Variants in IQSEC1 observed in about 807,000 individuals in gnomAD.
IQSEC1 encodes the protein IQ motif and Sec7 domain ArfGEF 1.
A neutral mutation model predicts 91.0 loss-of-function variants in IQSEC1; 31 were observed. That is an observed-to-expected ratio of 0.34 (90% CI 0.26 to 0.46). The LOEUF (loss-of-function observed/expected upper bound fraction) is 0.46. Ranked by LOEUF, IQSEC1 falls within the 20% of genes least tolerant of loss-of-function variation. The pLI is 1.00. For synonymous variants in IQSEC1, 699 were observed against 662.6 expected (o/e 1.05, Z -0.84); for missense variants, 1,388 against 1,575.6 (o/e 0.88, Z 2.02).
At chr3:13,107,414 T>C (rs1706168290) in intron 2 of IQSEC1, among the ~76,000 whole-genome samples, 1 of 152,218 alleles carries the variant, frequency 6.6e-6, no homozygotes, top group African/African-American at 2.4e-5. Context: ...GCACGCAGTG[T>C]TAGATGCTTC....
intron 1 of IQSEC1, chr3:13,053,164 A>G: frequency 1.3e-6 from 1 of 753,114 alleles, no homozygotes; most frequent in South Asian, 1.4e-5. Context: ...TGATGGAGAA[A>G]GGAAGAGAGG....
intron 2 of IQSEC1, among the ~76,000 whole-genome samples, chr3:13,092,839 C>T (rs986494758): frequency 1.3e-5 from 2 of 152,214 alleles, no homozygotes; most frequent in East Asian, 3.8e-4. Context: ...TCCAGGCACG[C>T]TGGCCAACTT....
At chr3:13,043,013 T>C (rs1704342251) in intron 1 of IQSEC1, among the ~76,000 whole-genome samples, 1 of 152,166 alleles carries the variant, frequency 6.6e-6, no homozygotes, top group Non-Finnish European at 1.5e-5. Flanking sequence ...AGCTGGGCTC[T>C]GAAAGGCAGG....
chr3:12,971,079 G>T (rs1251528123), intron 1 of IQSEC1, among the ~76,000 whole-genome samples: 1 of 152,220 alleles, frequency 6.6e-6, no homozygotes, highest in Non-Finnish European at 1.5e-5. Context: ...TCCATGCTAT[G>T]ATGATGAAGT....
intron 1 of IQSEC1, among the ~76,000 whole-genome samples, chr3:13,066,424 C>T (rs544688754): frequency 5.7e-4 from 87 of 152,306 alleles, no homozygotes; most frequent in African/African-American, 1.9e-3. Context: ...ACTCGCCACG[C>T]GCCATGCGGG....
intron 1 of IQSEC1, among the ~76,000 whole-genome samples, chr3:13,185,932 T>G (rs1035449482): frequency 6.6e-6 from 1 of 152,224 alleles, no homozygotes; most frequent in Non-Finnish European, 1.5e-5. Flanking sequence ...CTGCCCAAGG[T>G]GGGCGGGTCC....
chr3:13,082,000 G>A (rs936877375), intron 2 of IQSEC1, among the ~76,000 whole-genome samples: 4 of 152,202 alleles, frequency 2.6e-5, no homozygotes, highest in Non-Finnish European at 5.9e-5. Context: ...AGGGCCACCG[G>A]GCAGCACGAG....
chr3:13,086,518 C>G (rs1705738130), intron 2 of IQSEC1, among the ~76,000 whole-genome samples: 1 of 152,190 alleles, frequency 6.6e-6, no homozygotes, highest in Admixed American at 6.5e-5. Context: ...CTGGTTGGAG[C>G]CACTGCCTAT....
At chr3:13,096,474 C>A (rs1371645841) in intron 2 of IQSEC1, among the ~76,000 whole-genome samples, 2 of 152,224 alleles carry the variant, frequency 1.3e-5, no homozygotes, top group Non-Finnish European at 2.9e-5. Flanking sequence ...CGCAGTCTAG[C>A]AAGAATCAAG....
At chr3:13,202,381 A>G (rs546996540) in intron 1 of IQSEC1, among the ~76,000 whole-genome samples, 1 of 152,370 alleles carries the variant, frequency 6.6e-6, no homozygotes, top group African/African-American at 2.4e-5. Context: ...TACTCAAAAC[A>G]GCTACAGTGT....
intron 1 of IQSEC1, among the ~76,000 whole-genome samples, chr3:12,959,254 C>T (rs777281824): frequency 5.5e-4 from 84 of 152,152 alleles, no homozygotes; most frequent in Non-Finnish European, 1.0e-3. Context: ...GGCTGACAGG[C>T]CTGGGAGGGT....
rs1351142008 is a variant in IQSEC1, at chr3:13,154,448, T to TACACACATAC, written c.302+9655_302+9656insGTATGTGTGT. ...GCTGGAACTTACATGCATATATATA[T>TACACACATAC]ATATATATATATATATATATATATA... On this transcript the variant is annotated intron_variant, in intron 2 of 15. Coordinates refer to the IQSEC1 transcript ENST00000648114. Among the ~76,000 whole-genome samples, 3 of 92,114 alleles carry TACACACATAC rather than the reference T, an allele frequency of 3.3e-5. 1 individual carries two copies. The highest frequency in any genetic ancestry group is 7.8e-4 in the South Asian group (2 of 2,578). The allele number at this position is 92,114 out of a possible 152,430, so 60.4% of individuals were successfully genotyped here.
rs988051983 is a variant in IQSEC1, at chr3:12,983,201, C to T, written c.24-41336G>A. ...AGATCTGAACTGGGTGCTCCAGCTC[C>T]AGCACCTAAGCCCCATCCTCTGCAA... On this transcript the variant is annotated intron_variant, in intron 1 of 13. Coordinates refer to ENST00000613206, the MANE Select transcript of IQSEC1 (RefSeq NM_001134382.3). This position sits in a 1 kb window ranked among gnomAD's most constrained non-coding sequence, Gnocchi z 4.3. Among the ~76,000 whole-genome samples the T allele has an allele frequency of 2.6e-5, 4 of 152,240 alleles. No homozygotes were observed. Among genetic ancestry groups the T allele is most frequent in the Non-Finnish European group, 4.4e-5 (3 of 68,042 alleles).
Position 12,936,055 on chromosome 3 carries a change from G to A in IQSEC1, c.961C>T (p.Arg321Trp), listed in dbSNP as rs747195858. 38 of 1,605,676 alleles carry A rather than the reference G, an allele frequency of 2.4e-5. No homozygotes were observed. The highest frequency in any genetic ancestry group is 9.9e-5 in the South Asian group (9 of 91,070). Residue 321 changes from arginine (R) to tryptophan (W), a missense_variant, in exon 3 of 14, where the codon CGG becomes TGG. Arg to Trp is a moderately radical substitution (Grantham distance 101). This residue lies in a region of IQSEC1 where 1,059 missense variants were observed against 1,317.8 expected (regional missense o/e 0.80). Coordinates refer to ENST00000613206, the MANE Select transcript of IQSEC1 (RefSeq NM_001134382.3). Reference sequence around the variant, plus strand: ...TAGTCTGGGGCTGCGCCCCCAGCCCGTAGCCGCAGGTCCGACTCGGTGCTG... The same window carrying A: ...TAGTCTGGGGCTGCGCCCCCAGCCCATAGCCGCAGGTCCGACTCGGTGCTG... ...PSSTESDLRLRAGGAAPDYWA... is the reference protein window; with the variant it reads ...PSSTESDLRLWAGGAAPDYWA...
In IQSEC1 at chr3:12,915,703, T is replaced by G. The variant is rs1198932533; in HGVS notation, c.2051A>C (p.Glu684Ala). 1 of 1,613,988 alleles carries G rather than the reference T, an allele frequency of 6.2e-7. No homozygotes were observed. The highest frequency in any genetic ancestry group is 1.3e-5 in the African/African-American group (1 of 74,918). ...GVDDGEDIPR[E>A]MLMGIYERIR... is the part of the protein sequence containing the mutation. ...CCGTTCATAGATCCCCATCAGCATCTCACGGGGAATGTCCTCACCATCGTC... is the reference window on the plus strand; with the variant it reads ...CCGTTCATAGATCCCCATCAGCATCGCACGGGGAATGTCCTCACCATCGTC... Residue 684 changes from glutamate (E) to alanine (A), a missense_variant, in exon 7 of 14, where the codon GAG (glutamate) becomes GCG (alanine). This residue lies in a region of IQSEC1 where 1,059 missense variants were observed against 1,317.8 expected (regional missense o/e 0.80). Transcript: ENST00000613206.
In IQSEC1 at chr3:12,967,047, A is replaced by C. The variant is rs1191107804; in HGVS notation, c.24-25182T>G. On this transcript the variant is annotated intron_variant, in intron 1 of 13. Transcript: ENST00000613206. This position sits in a 1 kb window ranked among gnomAD's most constrained non-coding sequence, Gnocchi z 5.9. Reference sequence around the variant, plus strand: ...ACCGAGTCCCACTGTTTCCCTCTCAAGCCCCCAAACTCAAACTCACCCCCA... The same window carrying C: ...ACCGAGTCCCACTGTTTCCCTCTCACGCCCCCAAACTCAAACTCACCCCCA... Among the ~76,000 whole-genome samples the C allele has an allele frequency of 2.0e-5, 3 of 149,924 alleles. No homozygotes were observed. The highest frequency in any genetic ancestry group is 4.5e-5 in the Non-Finnish European group (3 of 67,340).
chr3:12,969,038 C>T (rs977104473), intron 1 of IQSEC1, among the ~76,000 whole-genome samples: 3 of 152,180 alleles, frequency 2.0e-5, no homozygotes, highest in African/African-American at 7.2e-5. Context: ...ACCTGGGTTC[C>T]GAGGCAAGAG....
intron 1 of IQSEC1, chr3:13,042,175 G>C (rs1220916362): frequency 1.3e-5 from 2 of 152,282 alleles, no homozygotes; most frequent in Non-Finnish European, 2.9e-5. Context: ...GCCAGTGACG[G>C]GGACCCTCCG....
chr3:12,899,620 G>T lies in IQSEC1; in HGVS notation c.*1363C>A, dbSNP rs1694018985. 7 of 985,402 alleles carry T rather than the reference G, an allele frequency of 7.1e-6. No individual in the cohort carries two copies. The highest frequency in any genetic ancestry group is 8.4e-6 in the Non-Finnish European group (7 of 829,916). 61.0% of individuals were successfully genotyped at this position (985,402 alleles called of 1,614,324 possible). On this transcript the variant is annotated 3_prime_UTR_variant, in exon 14 of 14. Transcript: ENST00000613206. ...GCTCCGCCGGGCACTCGTCGGCTGGGGTCACACGGGCCACGGTGAGGACAC... is the reference window on the plus strand; with the variant it reads ...GCTCCGCCGGGCACTCGTCGGCTGGTGTCACACGGGCCACGGTGAGGACAC...
Sources: gnomAD v4.1 joint callset for allele counts (sites outside exome capture counted in the v4.1 genomes callset) on GRCh38, gnomAD v4.1.1 for gene constraint, gnomAD v4.1.1 regional missense constraint, Gnocchi (gnomAD v3.1) non-coding constraint, MANE v1.5 for transcripts, NCBI Gene and HGNC (gene_info 2026-07-23, HGNC 2026-07-21) for gene names.